LRMDA: variants seen among roughly 807,000 people sequenced by gnomAD.
The protein encoded by LRMDA is leucine rich melanocyte differentiation associated.
In LRMDA, 18 loss-of-function variants were observed where a neutral mutation model predicts 29.8. The ratio of observed to expected loss-of-function variants is 0.60; its 90% CI spans 0.42 to 0.90. The LOEUF is 0.90. Among genes scored for constraint, LRMDA ranks in the 40% least tolerant of loss-of-function variants. The pLI is 0.00. For missense variants in LRMDA, 273 were observed against 273.9 expected, an observed-to-expected ratio of 1.00 and a Z score of 0.02; for synonymous variants, 125 against 109.4, an observed-to-expected ratio of 1.14 and a Z score of -0.89.
At chr10:76,446,277 A>G (rs1842353395) in intron 6 of LRMDA, among the ~76,000 whole-genome samples, 1 of 152,150 alleles carries the variant, frequency 6.6e-6, no homozygotes, top group African/African-American at 2.4e-5. Flanking sequence ...TTATTTATTC[A>G]TTCCTACACA....
chr10:75,612,942 C>A (rs930517269), intron 2 of LRMDA, among the ~76,000 whole-genome samples: 4 of 152,034 alleles, frequency 2.6e-5, no homozygotes, highest in Admixed American at 2.6e-4. Flanking sequence ...AGCCTTTCAA[C>A]TTTGCTATTG....
chr10:75,581,127 C>T (rs985829667), intron 2 of LRMDA, among the ~76,000 whole-genome samples: 7 of 152,126 alleles, frequency 4.6e-5, no homozygotes, highest in Admixed American at 4.6e-4. Context: ...TCAGAGTGAA[C>T]AGGCAACCTA....
At chr10:75,933,443 G>A (rs1030990850) in intron 2 of LRMDA, among the ~76,000 whole-genome samples, 2 of 152,200 alleles carry the variant, frequency 1.3e-5, no homozygotes, top group Non-Finnish European at 2.9e-5. Context: ...CTAAATTGTA[G>A]TCTTTGCATG....
At chr10:76,493,465 G>A (rs943759788) in intron 6 of LRMDA, among the ~76,000 whole-genome samples, 2 of 151,992 alleles carry the variant, frequency 1.3e-5, no homozygotes, top group Admixed American at 6.6e-5. Context: ...CTGGAATCAG[G>A]GATGATCCCA....
intron 2 of LRMDA, among the ~76,000 whole-genome samples, chr10:75,945,776 G>A (rs1030505198): frequency 2.0e-5 from 3 of 152,082 alleles, no homozygotes; most frequent in African/African-American, 7.2e-5. Context: ...AAAACACCTT[G>A]TGTAGGGAAA....
At chr10:76,291,661 A>ATTT (rs948208024) in intron 5 of LRMDA, among the ~76,000 whole-genome samples, 2 of 150,484 alleles carry the variant, frequency 1.3e-5, no homozygotes, top group East Asian at 3.9e-4. Flanking sequence ...CCTTGGTAGG[A>ATTT]TTTTTTTTTT....
chr10:75,866,938 A>C (rs1338821335), intron 2 of LRMDA, among the ~76,000 whole-genome samples: 1 of 152,188 alleles, frequency 6.6e-6, no homozygotes. Context: ...CAGCTCTGAT[A>C]AGTTTAGTTA....
At chr10:75,780,854 G>T (rs1843373636) in intron 2 of LRMDA, among the ~76,000 whole-genome samples, 1 of 152,166 alleles carries the variant, frequency 6.6e-6, no homozygotes, top group African/African-American at 2.4e-5. Flanking sequence ...AAGTGTTGTT[G>T]TGTCCTGCCT....
intron 6 of LRMDA, among the ~76,000 whole-genome samples, chr10:76,476,161 A>C (rs769117341): frequency 7.9e-5 from 12 of 152,314 alleles, no homozygotes; most frequent in Non-Finnish European, 1.5e-4. Flanking sequence ...AGCAAGACTA[A>C]TAAAGAATAA....
chr10:76,314,157 T>A (rs1840663053), intron 5 of LRMDA, among the ~76,000 whole-genome samples: 1 of 152,244 alleles, frequency 6.6e-6, no homozygotes, highest in Non-Finnish European at 1.5e-5. Context: ...TATCTATAAA[T>A]AAGCAATTAT....
intron 2 of LRMDA, among the ~76,000 whole-genome samples, chr10:75,559,182 T>G (rs1023452324): frequency 1.3e-5 from 2 of 152,216 alleles, no homozygotes; most frequent in Non-Finnish European, 2.9e-5. Context: ...TCTACATCCT[T>G]TACAGCACCT....
intron 2 of LRMDA, among the ~76,000 whole-genome samples, chr10:75,673,125 A>AT (rs1456868018): frequency 3.9e-5 from 6 of 152,230 alleles, no homozygotes; most frequent in Admixed American, 3.9e-4. Flanking sequence ...TCCTCAGCAC[A>AT]TTCTTTTAAA....
At chr10:76,465,681 A>G (rs1000483204) in intron 6 of LRMDA, among the ~76,000 whole-genome samples, 1 of 152,174 alleles carries the variant, frequency 6.6e-6, no homozygotes, top group African/African-American at 2.4e-5. Context: ...TAGGGCTTCC[A>G]TAAGAAATGC....
chr10:75,932,605 C>CT (rs1337725943), intron 2 of LRMDA, among the ~76,000 whole-genome samples: 1 of 151,900 alleles, frequency 6.6e-6, no homozygotes, highest in Non-Finnish European at 1.5e-5. Context: ...GAGTGAGACT[C>CT]TATCTCAAAC....
intron 2 of LRMDA, among the ~76,000 whole-genome samples, chr10:75,597,404 C>T (rs1840804848): frequency 6.6e-6 from 1 of 152,166 alleles, no homozygotes; most frequent in South Asian, 2.1e-4. Flanking sequence ...TCCACCCAGT[C>T]CCCCACCAGT....
chr10:75,559,631 G>A (rs1840264898), intron 2 of LRMDA, among the ~76,000 whole-genome samples: 2 of 149,680 alleles, frequency 1.3e-5, no homozygotes, highest in African/African-American at 2.4e-5. Context: ...GAATGGTAAT[G>A]CCTAGGTTTT....
chr10:76,449,300 A>G (rs900369979), intron 6 of LRMDA, among the ~76,000 whole-genome samples: 3 of 151,890 alleles, frequency 2.0e-5, no homozygotes, highest in Non-Finnish European at 4.4e-5. Flanking sequence ...TTTGCTAAAT[A>G]GATTTTGGTG....
At chr10:76,405,692 A>G (rs1841895404) in intron 6 of LRMDA, among the ~76,000 whole-genome samples, 1 of 152,218 alleles carries the variant, frequency 6.6e-6, no homozygotes, top group South Asian at 2.1e-4. Context: ...AAGAAAGAGC[A>G]GTGGAGACAA....
intron 2 of LRMDA, among the ~76,000 whole-genome samples, chr10:76,019,920 G>T (rs1020512234): frequency 5.9e-5 from 9 of 152,170 alleles, no homozygotes; most frequent in African/African-American, 1.9e-4. Flanking sequence ...CTGAATTTTT[G>T]ATAAGTCTCA....
Sources: gnomAD v4.1 joint callset for allele counts (sites outside exome capture counted in the v4.1 genomes callset) on GRCh38, gnomAD v4.1.1 for gene constraint, MANE v1.5 for transcripts, NCBI Gene and HGNC (gene_info 2026-07-23, HGNC 2026-07-21) for gene names.